The following OTUD7A variants were observed in gnomAD, a reference collection of about 807,000 sequenced individuals.
OTUD7A encodes the protein OTU domain-containing protein 7A.
In OTUD7A, 12 loss-of-function variants were observed where a neutral mutation model predicts 65.7. That is an observed-to-expected ratio of 0.18 (90% CI 0.12 to 0.30). OTUD7A has a LOEUF of 0.30. Ranked by LOEUF, OTUD7A falls within the 10% of genes least tolerant of loss-of-function variation. The pLI is 1.00. For synonymous variants in OTUD7A, 641 were observed against 586.3 expected (o/e 1.09, Z -1.35); for missense variants, 1,148 against 1,304.8 (o/e 0.88, Z 1.85).
At position 31,617,585 on chromosome 15, in the gene OTUD7A, T is replaced by C. The variant is rs149471177; in HGVS notation, c.151+37511A>G. ...AAGAAGGCAGATACACAGGAATATA[T>C]ACTGCATGATTCCATGTATACAAAG... On this transcript the variant is annotated intron_variant, in intron 3 of 12. Transcript: ENST00000307050. Among the ~76,000 whole-genome samples, 307 of 152,282 alleles carry C rather than the reference T, an allele frequency of 2.0e-3. 1 individual carries two copies. Among genetic ancestry groups the C allele is most frequent in the African/African-American group, 7.0e-3 (293 of 41,566 alleles).
intron 3 of OTUD7A, among the ~76,000 whole-genome samples, chr15:31,576,099 A>G (rs974381980): frequency 1.6e-4 from 24 of 152,218 alleles, no homozygotes; most frequent in Non-Finnish European, 5.9e-5. Flanking sequence ...TTATTCCTAA[A>G]TAAGATAGCT....
At chr15:31,622,244 G>A (rs1890810901) in intron 3 of OTUD7A, among the ~76,000 whole-genome samples, 2 of 152,056 alleles carry the variant, frequency 1.3e-5, no homozygotes, top group Non-Finnish European at 2.9e-5. Context: ...TATGTGTCTT[G>A]GAGTTGCTCT....
intron 1 of OTUD7A, among the ~76,000 whole-genome samples, chr15:31,759,529 T>C (rs936671899): frequency 6.6e-6 from 1 of 152,252 alleles, no homozygotes; most frequent in African/African-American, 2.4e-5. Context: ...CACATTGGCA[T>C]GCATTTTTGC....
intron 1 of OTUD7A, among the ~76,000 whole-genome samples, chr15:31,746,507 ATT>A (rs33918687): frequency 0.49 from 70,594 of 143,438 alleles, 18,613 homozygotes; most frequent in South Asian, 0.67. Flanking sequence ...GTTTTTACAT[ATT>A]TTTTTTTTTT....
intron 3 of OTUD7A, among the ~76,000 whole-genome samples, chr15:31,581,517 A>G (rs951182986): frequency 1.3e-5 from 2 of 152,234 alleles, no homozygotes; most frequent in African/African-American, 4.8e-5. Flanking sequence ...ACACCCATGC[A>G]TTTCCATACA....
chr15:31,796,318 AG>A (rs1895960479), intron 1 of OTUD7A, among the ~76,000 whole-genome samples: 1 of 152,174 alleles, frequency 6.6e-6, no homozygotes, highest in South Asian at 2.1e-4. Context: ...CAAAATCTGC[AG>A]GGCAGATGGG....
At chr15:31,760,949 AT>A in intron 1 of OTUD7A, among the ~76,000 whole-genome samples, 1 of 152,280 alleles carries the variant, frequency 6.6e-6, no homozygotes, top group South Asian at 2.1e-4. Flanking sequence ...TTTTTAACAA[AT>A]AATGGTCGGG....
intron 1 of OTUD7A, among the ~76,000 whole-genome samples, chr15:31,714,531 T>A (rs1447866721): frequency 6.6e-6 from 1 of 152,192 alleles, no homozygotes; most frequent in Non-Finnish European, 1.5e-5. Context: ...CATTTTTTTA[T>A]AATTCATGAA....
chr15:31,845,744 G>C (rs1399118455), intron 1 of OTUD7A, among the ~76,000 whole-genome samples: 1 of 152,234 alleles, frequency 6.6e-6, no homozygotes, highest in East Asian at 1.9e-4. Context: ...AGACGTGCCA[G>C]GACCCAGTGG....
rs2041042858 is a variant in OTUD7A at position 31,477,615 on chromosome 15, T to C, written c.*5679A>G. 1 of 152,248 alleles carries C rather than the reference T, an allele frequency of 6.6e-6. No individual in the cohort carries two copies. Among genetic ancestry groups the C allele is most frequent in the Admixed American group, 6.5e-5 (1 of 15,286 alleles). The allele number at this position is 152,248 out of a possible 1,614,324, so 9.4% of individuals were successfully genotyped here. A position where few individuals can be genotyped will look rare whatever the true frequency, so the allele number is the denominator to read the frequency against. ...AATAGAACCTAGATTTGATGAAAGC[T>C]GAAATTGACATTTTCTGGCCTCTTA... On this transcript the variant is annotated 3_prime_UTR_variant, in exon 13 of 13. Coordinates refer to ENST00000307050, the MANE Select transcript of OTUD7A (RefSeq NM_001382637.1).
intron 1 of OTUD7A, among the ~76,000 whole-genome samples, chr15:31,727,389 T>C (rs1390746338): frequency 2.0e-5 from 3 of 148,048 alleles, no homozygotes; most frequent in South Asian, 2.2e-4. Context: ...TTACTGTTCA[T>C]TTAAAACATT....
intron 1 of OTUD7A, among the ~76,000 whole-genome samples, chr15:31,745,812 T>C (rs1894460056): frequency 6.6e-6 from 1 of 152,168 alleles, no homozygotes; most frequent in African/African-American, 2.4e-5. Flanking sequence ...CTAACCTCTA[T>C]GATAAAAGTC....
At chr15:31,831,844 GA>G (rs1164244170) in intron 1 of OTUD7A, among the ~76,000 whole-genome samples, 3 of 152,250 alleles carry the variant, frequency 2.0e-5, no homozygotes, top group African/African-American at 7.2e-5. Flanking sequence ...GGCACAGATG[GA>G]TCACAGGGGC....
At chr15:31,846,394 G>C (rs1265384691) in intron 1 of OTUD7A, among the ~76,000 whole-genome samples, 1 of 152,176 alleles carries the variant, frequency 6.6e-6, no homozygotes, top group Non-Finnish European at 1.5e-5. Context: ...CAAGGACTAA[G>C]TTAAGAAAGC....
intron 1 of OTUD7A, among the ~76,000 whole-genome samples, chr15:31,751,460 A>G (rs1259930158): frequency 2.0e-5 from 3 of 152,190 alleles, no homozygotes; most frequent in Admixed American, 2.0e-4. Flanking sequence ...TACACACTGC[A>G]TGTGGGAAAG....
Position 31,483,637 on chromosome 15 carries a change from C to G in OTUD7A, c.2459G>C (p.Arg820Pro). 8.5e-7 allele frequency: 1 copy of G among 1,178,208 alleles called. No individual in the cohort carries two copies. The highest frequency in any genetic ancestry group is 1.0e-6 in the Non-Finnish European group (1 of 956,534). The allele number at this position is 1,178,208 out of a possible 1,614,324, so 73.0% of individuals were successfully genotyped here. A position where few individuals can be genotyped will look rare whatever the true frequency, so the allele number is the denominator to read the frequency against. ...SLSSQSYSPA[R>P]AAALRTVNTV... ...GTTGACGGTGCGCAGGGCGGCGGCG[C>G]GCGCCGGGCTGTAGCTCTGCGACGA... The change falls in exon 13 of 13, where the codon CGC becomes CCC. Residue 820 changes from arginine to proline, a missense_variant. Around this residue, in one of 6 missense-constraint regions of OTUD7A, gnomAD observed 842 missense variants for 769.5 expected, o/e 1.09. Transcript: ENST00000307050.
Position 31,484,070 on chromosome 15 carries a change from G to C in OTUD7A, c.2026C>G (p.Gln676Glu). 6.4e-7 allele frequency: 1 copy of C among 1,567,388 alleles called. No individual in the cohort carries two copies. The highest frequency in any genetic ancestry group is 8.6e-7 in the Non-Finnish European group (1 of 1,163,050). The change falls in exon 13 of 13, where the codon CAG (glutamine) becomes GAG (glutamate). Residue 676 changes from glutamine to glutamate, a missense_variant. By Grantham distance (29) the Gln-to-Glu change is conservative. Around this residue, in one of 6 missense-constraint regions of OTUD7A, gnomAD observed 842 missense variants for 769.5 expected, o/e 1.09. Transcript: ENST00000307050. The surrounding 1 kb of genome is among the most constrained non-coding windows in gnomAD (Gnocchi z 4.5). ...TSAQERFSAEQEQRRRDAATA... is the reference protein window; with the variant it reads ...TSAQERFSAEEEQRRRDAATA... ...GCGGCGTCGCGGCGCCGCTGCTCCT[G>C]CTCGGCGCTGAAGCGCTCCTGCGCG...
chr15:31,537,362 A>G (rs1887838011), intron 5 of OTUD7A, among the ~76,000 whole-genome samples: 1 of 152,258 alleles, frequency 6.6e-6, no homozygotes, highest in South Asian at 2.1e-4. Context: ...GCATGTATTA[A>G]AATTAACACT....
intron 1 of OTUD7A, among the ~76,000 whole-genome samples, chr15:31,836,865 A>G (rs1595803702): frequency 6.6e-6 from 1 of 152,356 alleles, no homozygotes; most frequent in East Asian, 1.9e-4. Flanking sequence ...CATCTATAAA[A>G]AACAGATAGC....
Sources: gnomAD v4.1 joint callset for allele counts (sites outside exome capture counted in the v4.1 genomes callset) on GRCh38, gnomAD v4.1.1 for gene constraint, gnomAD v4.1.1 regional missense constraint, Gnocchi (gnomAD v3.1) non-coding constraint, MANE v1.5 for transcripts, NCBI Gene and HGNC (gene_info 2026-07-23, HGNC 2026-07-21) for gene names.